The following CDH18 variants were observed in gnomAD, a reference collection of about 807,000 sequenced individuals.
The protein encoded by CDH18 is cadherin 18.
CDH18 carries 31 observed loss-of-function variants against 67.9 expected under a neutral mutation model. The observed-to-expected ratio is 0.46, with a 90% CI of 0.34 to 0.62. The LOEUF (loss-of-function observed/expected upper bound fraction) is 0.62, where lower values mean the gene tolerates loss of function less well. CDH18 is among the 20% of genes least tolerant of loss of function. CDH18 has a pLI of 0.01. For missense variants in CDH18, 890 were observed against 975.5 expected (o/e 0.91, Z 1.17); for synonymous variants, 362 against 347.2 (o/e 1.04, Z -0.48).
chr5:19,939,661 A>G (rs1794627451), intron 2 of CDH18, among the ~76,000 whole-genome samples: 1 of 151,858 alleles, frequency 6.6e-6, no homozygotes, highest in Non-Finnish European at 1.5e-5. Context: ...TAGAGTAATT[A>G]GACTCAAGAT....
At chr5:19,677,206 C>A (rs116668764) in intron 5 of CDH18, among the ~76,000 whole-genome samples, 1,877 of 152,146 alleles carry the variant, frequency 0.012, 38 homozygotes, top group African/African-American at 0.043. Context: ...AACAGTGTAA[C>A]TTTCAGCAGA....
chr5:20,032,184 C>A (rs1243076742), intron 2 of CDH18, among the ~76,000 whole-genome samples: 2 of 151,384 alleles, frequency 1.3e-5, no homozygotes, highest in Non-Finnish European at 2.9e-5. Flanking sequence ...CATATAAACT[C>A]ATTATATATG....
chr5:19,861,560 A>T (rs1403751548), intron 2 of CDH18, among the ~76,000 whole-genome samples: 1 of 152,182 alleles, frequency 6.6e-6, no homozygotes, highest in African/African-American at 2.4e-5. Context: ...GAGAATAAAG[A>T]GGGACAAAGG....
chr5:20,341,696 T>C (rs763611666), intron 1 of CDH18, among the ~76,000 whole-genome samples: 4 of 152,010 alleles, frequency 2.6e-5, no homozygotes, highest in Non-Finnish European at 4.4e-5. Flanking sequence ...AGTTCTTTCA[T>C]TTGTTTTGGG....
intron 2 of CDH18, among the ~76,000 whole-genome samples, chr5:20,193,046 T>C (rs959364052): frequency 3.3e-5 from 5 of 152,086 alleles, no homozygotes; most frequent in Non-Finnish European, 5.9e-5. Context: ...TTTGTAGTTC[T>C]CCTTGAAGAG....
At chr5:20,305,445 C>T (rs1736334586) in intron 1 of CDH18, 1 of 1,522,322 alleles carries the variant, frequency 6.6e-7, no homozygotes, top group East Asian at 2.3e-5. Flanking sequence ...CGGCTTTTGG[C>T]CATGTTTTCG....
rs1561069358 is a variant in CDH18, at chr5:20,501,567, ATAATATATATATATTATATATATATATT to A, written c.-580+73867_-580+73894del. 3.7e-3 allele frequency among the ~76,000 whole-genome samples: 53 copies of A among 14,344 alleles called. 3 individuals are homozygous for A. Among genetic ancestry groups the A allele is most frequent in the African/African-American group, 6.7e-3 (52 of 7,716 alleles). 9.4% of individuals were successfully genotyped at this position (14,344 alleles called of 152,430 possible). A position where few individuals can be genotyped will look rare whatever the true frequency, so the allele number is the denominator to read the frequency against. ...CATATTATATATATAATATATATAT[ATAATATATATATATTATATATATATATT>A]ATATATATATATATATATATGGAGA... On this transcript the variant is annotated intron_variant, in intron 1 of 14. Coordinates refer to the CDH18 transcript ENST00000507958.
At chr5:20,100,481 T>A (rs1382374923) in intron 2 of CDH18, among the ~76,000 whole-genome samples, 3 of 152,218 alleles carry the variant, frequency 2.0e-5, no homozygotes, top group African/African-American at 7.2e-5. Context: ...AAATTTTAAT[T>A]TGTTTTCTAC....
chr5:19,717,049 T>C (rs1765426584), intron 5 of CDH18, among the ~76,000 whole-genome samples: 1 of 152,132 alleles, frequency 6.6e-6, no homozygotes, highest in East Asian at 1.9e-4. Context: ...CAATGATTTA[T>C]ACATTTCATG....
intron 5 of CDH18, among the ~76,000 whole-genome samples, chr5:19,701,956 A>G (rs1267372616): frequency 6.6e-6 from 1 of 152,062 alleles, no homozygotes; most frequent in African/African-American, 2.4e-5. Context: ...GCTCACATCA[A>G]GGCACCAAAA....
At chr5:19,715,453 G>C (rs949495546) in intron 5 of CDH18, among the ~76,000 whole-genome samples, 1 of 152,120 alleles carries the variant, frequency 6.6e-6, no homozygotes, top group East Asian at 1.9e-4. Context: ...GTTTCAGACA[G>C]AGCATGGCAG....
At chr5:20,457,010 C>G (rs1453895607) in intron 1 of CDH18, among the ~76,000 whole-genome samples, 2 of 152,086 alleles carry the variant, frequency 1.3e-5, no homozygotes, top group Non-Finnish European at 2.9e-5. Flanking sequence ...AACCAAAATA[C>G]ATTTGTAATG....
chr5:20,241,244 A>C (rs1416078208), intron 2 of CDH18, among the ~76,000 whole-genome samples: 1 of 152,152 alleles, frequency 6.6e-6, no homozygotes, highest in Non-Finnish European at 1.5e-5. Flanking sequence ...ACTAGGCATA[A>C]TTTTCTTAAC....
At chr5:20,331,305 C>T (rs1185446239) in intron 1 of CDH18, 2 of 151,774 alleles carry the variant, frequency 1.3e-5, no homozygotes, top group Non-Finnish European at 2.9e-5. Context: ...GTTATTTTCC[C>T]CTCCCTTCCT....
intron 2 of CDH18, among the ~76,000 whole-genome samples, chr5:19,914,450 T>A (rs1220999634): frequency 2.0e-5 from 3 of 152,126 alleles, no homozygotes; most frequent in African/African-American, 7.2e-5. Context: ...TATTTGGACT[T>A]ATCTATCTAT....
At chr5:19,719,130 T>A (rs1483505283) in intron 5 of CDH18, among the ~76,000 whole-genome samples, 1 of 152,016 alleles carries the variant, frequency 6.6e-6, no homozygotes, top group Admixed American at 6.6e-5. Flanking sequence ...AAAATTGATG[T>A]TTGTTAACCA....
intron 2 of CDH18, among the ~76,000 whole-genome samples, chr5:19,914,735 C>T (rs1791563192): frequency 6.6e-6 from 1 of 151,918 alleles, no homozygotes; most frequent in African/African-American, 2.4e-5. Context: ...ATAATACTGG[C>T]TTTTTAGGGC....
intron 2 of CDH18, among the ~76,000 whole-genome samples, chr5:19,976,758 G>C (rs1302579721): frequency 6.6e-6 from 1 of 151,590 alleles, no homozygotes; most frequent in Non-Finnish European, 1.5e-5. Flanking sequence ...AATTTCAAAG[G>C]ATAAGACTAA....
chr5:20,053,156 A>G (rs1741583197), intron 2 of CDH18, among the ~76,000 whole-genome samples: 1 of 151,932 alleles, frequency 6.6e-6, no homozygotes, highest in South Asian at 2.1e-4. Context: ...TTACATTGTT[A>G]ACACAAAATT....
Sources: allele counts gnomAD v4.1 joint callset (sites outside exome capture counted in the v4.1 genomes callset), GRCh38; gene constraint gnomAD v4.1.1; transcripts MANE v1.5; gene names NCBI Gene and HGNC (gene_info 2026-07-23, HGNC 2026-07-21).